KCNQ3: variants seen among roughly 807,000 people sequenced by gnomAD.
The protein encoded by KCNQ3 is potassium voltage-gated channel subfamily Q member 3.
Under a neutral mutation model 92.5 loss-of-function variants are expected in KCNQ3, and 30 were observed. That is an observed-to-expected ratio of 0.32 (90% CI 0.24 to 0.44). The LOEUF (loss-of-function observed/expected upper bound fraction) is 0.44, where lower values mean the gene tolerates loss of function less well. KCNQ3 is among the 20% of genes least tolerant of loss of function. The pLI, the probability that KCNQ3 is intolerant of heterozygous loss-of-function variation, is 1.00. For synonymous variants in KCNQ3, 450 were observed against 468.8 expected, an observed-to-expected ratio of 0.96 and a Z score of 0.52; for missense variants, 913 against 1,140.3, an observed-to-expected ratio of 0.80 and a Z score of 2.87.
intron 1 of KCNQ3, among the ~76,000 whole-genome samples, chr8:132,316,963 A>T (rs1817761214): frequency 6.6e-6 from 1 of 152,136 alleles, no homozygotes; most frequent in African/African-American, 2.4e-5. Context: ...CTGGAAAGAA[A>T]CTATGTTAAT....
At chr8:132,451,758 C>A (rs754581644) in intron 1 of KCNQ3, among the ~76,000 whole-genome samples, 24 of 152,126 alleles carry the variant, frequency 1.6e-4, no homozygotes, top group Non-Finnish European at 1.5e-5. Flanking sequence ...AATATTCACC[C>A]ACGACATTTT....
intron 1 of KCNQ3, among the ~76,000 whole-genome samples, chr8:132,331,879 A>C (rs1389022870): frequency 1.3e-5 from 2 of 152,178 alleles, no homozygotes. Context: ...GCAGTCCAGA[A>C]GTCTCAAGAG....
chr8:132,141,497 T>TC (rs1825295675), intron 9 of KCNQ3, among the ~76,000 whole-genome samples, 166 bp from the exon 10 acceptor site: 1 of 152,146 alleles, frequency 6.6e-6, no homozygotes, highest in Non-Finnish European at 1.5e-5. Context: ...AGGGCGTGGT[T>TC]CAAATCCTAG....
At chr8:132,450,472 C>T (rs928186519) in intron 1 of KCNQ3, among the ~76,000 whole-genome samples, 6 of 152,192 alleles carry the variant, frequency 3.9e-5, no homozygotes, top group African/African-American at 1.4e-4. Flanking sequence ...CCCCACTCGA[C>T]CCAGGAAGTC....
intron 1 of KCNQ3, among the ~76,000 whole-genome samples, chr8:132,227,058 C>CTTTTTTTTTT (rs1563813401): frequency 1.1e-5 from 1 of 88,662 alleles, no homozygotes; most frequent in Non-Finnish European, 2.3e-5. Context: ...ACATATCTCA[C>CTTTTTTTTTT]TCTTTTTTTT....
intron 1 of KCNQ3, among the ~76,000 whole-genome samples, chr8:132,269,500 A>G (rs1170631609): frequency 6.6e-6 from 1 of 152,094 alleles, no homozygotes; most frequent in Non-Finnish European, 1.5e-5. Context: ...CCTTTTCTAG[A>G]ATCTGCATTT....
At chr8:132,228,312 T>C (rs1042513182) in intron 1 of KCNQ3, among the ~76,000 whole-genome samples, 5 of 152,162 alleles carry the variant, frequency 3.3e-5, no homozygotes, top group African/African-American at 1.2e-4. Flanking sequence ...AGAAAGGCAC[T>C]GTATTACATT....
In KCNQ3 at chr8:132,234,379, C is replaced by T. The variant is rs1307561745; in HGVS notation, c.387-48198G>A. The stretch of plus-strand genomic sequence containing the variant: ...TTTTTTTTTTTTGGCAGGTGAAAGG[C>T]CAAGCAGTTCTTCCAAAGGATTCTT... On this transcript the variant is annotated intron_variant, in intron 1 of 14. Transcript: ENST00000388996. Among the ~76,000 whole-genome samples, 4 of 115,142 alleles carry T rather than the reference C, an allele frequency of 3.5e-5. No individual in the cohort carries two copies. In the East Asian group the frequency reaches 1.1e-3, roughly 31 times the overall value. The allele number at this position is 115,142 out of a possible 152,430, so 75.5% of individuals were successfully genotyped here.
At chr8:132,156,058 C>T (rs1277379387) in intron 9 of KCNQ3, among the ~76,000 whole-genome samples, 2 of 152,122 alleles carry the variant, frequency 1.3e-5, no homozygotes, top group Non-Finnish European at 2.9e-5. Flanking sequence ...GCAGCTGGTA[C>T]TCCAATGACA....
intron 12 of KCNQ3, among the ~76,000 whole-genome samples, chr8:132,136,380 T>C (rs1029989313): frequency 1.3e-5 from 2 of 152,126 alleles, no homozygotes; most frequent in Non-Finnish European, 2.9e-5. Flanking sequence ...CCATGGCTAT[T>C]GACATCATAA....
intron 1 of KCNQ3, chr8:132,321,341 A>G (rs1257251629): frequency 1.3e-5 from 2 of 152,248 alleles, no homozygotes; most frequent in African/African-American, 4.8e-5. Context: ...CAGCCATCTC[A>G]CCCTGCTAAA....
At chr8:132,226,085 C>T (rs566330246) in intron 1 of KCNQ3, among the ~76,000 whole-genome samples, 14 of 152,186 alleles carry the variant, frequency 9.2e-5, no homozygotes, top group South Asian at 6.2e-4. Flanking sequence ...TCCTGGCTAA[C>T]GTGGCGAAAC....
In KCNQ3 at chr8:132,163,406, G is replaced by A; in HGVS notation, c.1262+62C>T. On this transcript the variant is annotated intron_variant, in intron 9 of 14. Coordinates refer to ENST00000388996, the MANE Select transcript of KCNQ3 (RefSeq NM_004519.4). Reference sequence around the variant, plus strand: ...CTCCCATGGGGCCCTACACCATATGGAGCAGGATGCTCTGTCTTGACACAG... The same window carrying A: ...CTCCCATGGGGCCCTACACCATATGAAGCAGGATGCTCTGTCTTGACACAG... 3.5e-6 allele frequency: 5 copies of A among 1,416,684 alleles called. No homozygotes were observed. In the Admixed American group the frequency reaches 5.0e-5, roughly 14 times the overall value. The allele number at this position is 1,416,684 out of a possible 1,614,324, so 87.8% of individuals were successfully genotyped here. A position where few individuals can be genotyped will look rare whatever the true frequency, so the allele number is the denominator to read the frequency against.
rs35906701 is a variant in KCNQ3, at chr8:132,270,130, G to GAA, written c.387-83951_387-83950dup. Among the ~76,000 whole-genome samples the GAA allele has an allele frequency of 9.4e-4, 139 of 148,206 alleles. 2 individuals carry two copies. Among genetic ancestry groups the GAA allele is most frequent in the East Asian group, 3.2e-3 (16 of 5,076 alleles). On this transcript the variant is annotated intron_variant, in intron 1 of 14. Coordinates refer to ENST00000388996, the MANE Select transcript of KCNQ3 (RefSeq NM_004519.4). Reference sequence around the variant, plus strand: ...GATTTCTAAGCTTTATGATTTTCCTGAAAAAAAAAAAATTAAGCAGACTTT... The same window carrying GAA: ...GATTTCTAAGCTTTATGATTTTCCTGAAAAAAAAAAAAAATTAAGCAGACTTT...
intron 1 of KCNQ3, chr8:132,447,208 C>A (rs201048296): frequency 3.9e-6 from 6 of 1,535,388 alleles, no homozygotes; most frequent in Non-Finnish European, 4.4e-6. Flanking sequence ...TACATCGTGG[C>A]GTGTTCTGCA....
chr8:132,318,390 T>C (rs920870059), intron 1 of KCNQ3, among the ~76,000 whole-genome samples: 1 of 152,156 alleles, frequency 6.6e-6, no homozygotes, highest in African/African-American at 2.4e-5. Flanking sequence ...CAGCTCAGAG[T>C]TGTCTCTGAA....
At chr8:132,288,303 G>T (rs1348553197) in intron 1 of KCNQ3, among the ~76,000 whole-genome samples, 1 of 152,168 alleles carries the variant, frequency 6.6e-6, no homozygotes, top group East Asian at 1.9e-4. Flanking sequence ...ATTCTCATCA[G>T]CATTCCCATG....
At chr8:132,211,735 G>A (rs907708182) in intron 1 of KCNQ3, among the ~76,000 whole-genome samples, 1 of 151,908 alleles carries the variant, frequency 6.6e-6, no homozygotes, top group Non-Finnish European at 1.5e-5. Context: ...GGTGGATCAC[G>A]AGGTCAGGCA....
intron 9 of KCNQ3, among the ~76,000 whole-genome samples, chr8:132,154,543 G>A (rs1351357515): frequency 1.3e-5 from 2 of 152,102 alleles, no homozygotes; most frequent in East Asian, 1.9e-4. Flanking sequence ...GCAGTTAGAT[G>A]TACTTCTTTA....
Sources: gnomAD v4.1 joint callset for allele counts (sites outside exome capture counted in the v4.1 genomes callset) on GRCh38, gnomAD v4.1.1 for gene constraint, MANE v1.5 for transcripts, NCBI Gene and HGNC (gene_info 2026-07-23, HGNC 2026-07-21) for gene names.